Variants in CTNND2 observed in about 807,000 individuals in gnomAD.
The protein encoded by CTNND2 is catenin delta-2.
Under a neutral mutation model 144.4 loss-of-function variants are expected in CTNND2, and 22 were observed. That is an observed-to-expected ratio of 0.15 (90% CI 0.11 to 0.22). The LOEUF (loss-of-function observed/expected upper bound fraction) is 0.22, where lower values mean the gene tolerates loss of function less well. Ranked by LOEUF, CTNND2 falls within the 10% of genes least tolerant of loss-of-function variation. The pLI is 1.00. For missense variants in CTNND2, 1,353 were observed against 1,618.8 expected (o/e 0.84, Z 2.82); for synonymous variants, 751 against 695.6 (o/e 1.08, Z -1.25).
intron 1 of CTNND2, among the ~76,000 whole-genome samples, chr5:11,760,371 G>A (rs1421317260): frequency 2.0e-5 from 3 of 152,030 alleles, no homozygotes; most frequent in Non-Finnish European, 4.4e-5. Context: ...CCTATTACCA[G>A]GAGCTAGTTG....
intron 7 of CTNND2, among the ~76,000 whole-genome samples, chr5:11,374,560 GT>G (rs1217631945): frequency 6.6e-6 from 1 of 152,066 alleles, no homozygotes; most frequent in Non-Finnish European, 1.5e-5. Context: ...ACTTACCAGA[GT>G]TTTTAATGGG....
intron 1 of CTNND2, among the ~76,000 whole-genome samples, chr5:11,773,761 A>C (rs1454506184): frequency 6.6e-6 from 1 of 150,788 alleles, no homozygotes; most frequent in Non-Finnish European, 1.5e-5. Context: ...CAGTGAGCCA[A>C]GATGGTGCCA....
intron 12 of CTNND2, among the ~76,000 whole-genome samples, chr5:11,119,016 T>C (rs762251053): frequency 1.3e-5 from 2 of 152,074 alleles, no homozygotes; most frequent in Admixed American, 1.3e-4. Flanking sequence ...ACCATTGATT[T>C]TGTATTGGAA....
rs191419778 is a variant in CTNND2, at chr5:11,523,673, A to G, written c.287+41271T>C. Among the ~76,000 whole-genome samples the G allele has an allele frequency of 2.4e-3, 367 of 152,330 alleles. 2 individuals carry two copies. The highest frequency in any genetic ancestry group is 8.4e-3 in the African/African-American group (350 of 41,572). ...CATAACAAGAAAGACAGGTCCCTTC[A>G]CTGAGGTCTGAAAAGAACTAATGCA... is the stretch of plus-strand genomic sequence containing the variant. On this transcript the variant is annotated intron_variant, in intron 3 of 21. Coordinates refer to ENST00000304623, the MANE Select transcript of CTNND2 (RefSeq NM_001332.4).
At chr5:11,303,476 C>T (rs1749821727) in intron 9 of CTNND2, among the ~76,000 whole-genome samples, 1 of 152,202 alleles carries the variant, frequency 6.6e-6, no homozygotes, top group Non-Finnish European at 1.5e-5. Flanking sequence ...ATAGATGATA[C>T]TATTACTCCT....
intron 3 of CTNND2, among the ~76,000 whole-genome samples, chr5:11,436,633 A>G (rs1375473664): frequency 6.6e-6 from 1 of 152,248 alleles, no homozygotes; most frequent in Non-Finnish European, 1.5e-5. Flanking sequence ...AGAATGAAAC[A>G]TTTATAAACA....
At position 11,749,172 on chromosome 5, in the gene CTNND2, C is replaced by T. The variant is rs189645617; in HGVS notation, c.38-16900G>A. Among the ~76,000 whole-genome samples, 40 of 152,156 alleles carry T rather than the reference C, an allele frequency of 2.6e-4. No homozygotes were observed. In the South Asian group the frequency reaches 6.4e-3, roughly 24 times the overall value. Reference sequence around the variant, plus strand: ...CCTGCTTCAGATGATATAGACCTAGCTCCCATCTTGACTGAAACATTAGAG... The same window carrying T: ...CCTGCTTCAGATGATATAGACCTAGTTCCCATCTTGACTGAAACATTAGAG... On this transcript the variant is annotated intron_variant, in intron 1 of 21. Transcript: ENST00000304623.
chr5:11,452,398 A>T (rs1479248404), intron 3 of CTNND2, among the ~76,000 whole-genome samples: 2 of 152,210 alleles, frequency 1.3e-5, no homozygotes, highest in Non-Finnish European at 2.9e-5. Context: ...AATTTCTCTT[A>T]AAAGTATCGA....
chr5:11,531,483 G>C (rs1440738055), intron 3 of CTNND2, among the ~76,000 whole-genome samples: 1 of 152,154 alleles, frequency 6.6e-6, no homozygotes, highest in East Asian at 1.9e-4. Flanking sequence ...AAAATTACCC[G>C]TGCATGGTGG....
chr5:11,074,517 T>C (rs1049449732), intron 16 of CTNND2, among the ~76,000 whole-genome samples: 1 of 152,206 alleles, frequency 6.6e-6, no homozygotes, highest in Non-Finnish European at 1.5e-5. Context: ...CCCCAGTTCA[T>C]GCTCTCATCA....
intron 6 of CTNND2, among the ~76,000 whole-genome samples, chr5:11,393,236 T>C (rs1759786966): frequency 6.6e-6 from 1 of 152,206 alleles, no homozygotes; most frequent in Non-Finnish European, 1.5e-5. Context: ...CTTACCACTG[T>C]TCAGTTTTAT....
At chr5:11,798,103 C>CAA (rs557718290) in intron 1 of CTNND2, among the ~76,000 whole-genome samples, 4 of 145,968 alleles carry the variant, frequency 2.7e-5, no homozygotes, top group African/African-American at 1.0e-4. Flanking sequence ...ACTAAAAATA[C>CAA]AAAAAAAAAA....
At chr5:11,172,385 A>G (rs958516977) in intron 11 of CTNND2, among the ~76,000 whole-genome samples, 1 of 152,240 alleles carries the variant, frequency 6.6e-6, no homozygotes, top group African/African-American at 2.4e-5. Flanking sequence ...TAGCCTAATC[A>G]TGACTGAACA....
intron 2 of CTNND2, among the ~76,000 whole-genome samples, chr5:11,614,899 C>A (rs911902678): frequency 4.6e-5 from 7 of 152,134 alleles, no homozygotes; most frequent in African/African-American, 1.7e-4. Context: ...ATAGTACCTA[C>A]CTGATAAGGT....
intron 20 of CTNND2, among the ~76,000 whole-genome samples, chr5:10,985,017 T>A (rs1737759589): frequency 6.6e-6 from 1 of 152,014 alleles, no homozygotes; most frequent in African/African-American, 2.4e-5. Flanking sequence ...GAGGTTACAG[T>A]GAGCTGAGAT....
intron 12 of CTNND2, among the ~76,000 whole-genome samples, chr5:11,135,356 A>G (rs1351536263): frequency 6.6e-6 from 1 of 152,238 alleles, no homozygotes; most frequent in African/African-American, 2.4e-5. Context: ...TCATCTTAAT[A>G]TAATTACTCT....
Position 10,973,721 on chromosome 5 carries a change from G to A in CTNND2, c.3418-8C>T, listed in dbSNP as rs1566623. The A allele has an allele frequency of 1.5e-3, 2,316 of 1,582,182 alleles. 34 individuals are homozygous for A. In the African/African-American group the frequency reaches 0.029, roughly 20 times the overall value. ...GACTGGCTGTGCTGAAACCTAAACGGGAAAGAAGAGCCACACTGGGTTACT... is the reference window on the plus strand; with the variant it reads ...GACTGGCTGTGCTGAAACCTAAACGAGAAAGAAGAGCCACACTGGGTTACT... On this transcript the variant is annotated splice_region_variant and splice_polypyrimidine_tract_variant and intron_variant, in intron 21 of 21. Transcript: ENST00000304623. This position sits in a 1 kb window ranked among gnomAD's most constrained non-coding sequence, Gnocchi z 5.6.
At position 10,996,931 on chromosome 5, in the gene CTNND2, G is replaced by T. The variant is rs1739411656; in HGVS notation, c.3085-4254C>A. Among the ~76,000 whole-genome samples, 3 of 152,086 alleles carry T rather than the reference G, an allele frequency of 2.0e-5. No homozygotes were observed. The South Asian group carries it at 6.2e-4, about 32-fold the overall frequency. On this transcript the variant is annotated intron_variant, in intron 18 of 21. Coordinates refer to ENST00000304623, the MANE Select transcript of CTNND2 (RefSeq NM_001332.4). ...GATTTTTAACCACAGGTTAAAGAGG[G>T]AAAAGAAATGGGAGGTGGACAGAAG...
chr5:11,084,343 A>T (rs1450999553), intron 15 of CTNND2, among the ~76,000 whole-genome samples: 1 of 152,162 alleles, frequency 6.6e-6, no homozygotes, highest in Non-Finnish European at 1.5e-5. Flanking sequence ...ACATGCTGAA[A>T]CATGACTTCC....
Sources: gnomAD v4.1 joint callset for allele counts (sites outside exome capture counted in the v4.1 genomes callset) on GRCh38, gnomAD v4.1.1 for gene constraint, Gnocchi (gnomAD v3.1) non-coding constraint, MANE v1.5 for transcripts, NCBI Gene and HGNC (gene_info 2026-07-23, HGNC 2026-07-21) for gene names.